UBR3: variants seen among roughly 807,000 people sequenced by gnomAD.
UBR3 encodes the protein ubiquitin protein ligase E3 component n-recognin 3.
A neutral mutation model predicts 243.2 loss-of-function variants in UBR3; 85 were observed. The ratio of observed to expected loss-of-function variants is 0.35; its 90% CI spans 0.29 to 0.42. The LOEUF (loss-of-function observed/expected upper bound fraction) is 0.42. Among genes scored for constraint, UBR3 ranks in the 10% least tolerant of loss-of-function variants. The pLI is 1.00. For synonymous variants in UBR3, 748 were observed against 799.8 expected (o/e 0.94, Z 1.09); for missense variants, 1,686 against 2,300.8 (o/e 0.73, Z 5.47).
Position 169,905,137 on chromosome 2 carries a change from G to A in UBR3, c.1489G>A (p.Val497Ile), listed in dbSNP as rs2084968289. Residue 497 changes from valine to isoleucine, a missense_variant, in exon 9 of 39, where the codon GTA becomes ATA. By Grantham distance (29) the Val-to-Ile change is conservative. Around this residue, in one of 8 missense-constraint regions of UBR3, gnomAD observed 346 missense variants for 585.8 expected, o/e 0.59. Transcript: ENST00000272793. ...AGATGAAGAAAATAGTTTACATGTGGTAGTGAACTGTGGAGAAGCATTACT... is the reference window on the plus strand; with the variant it reads ...AGATGAAGAAAATAGTTTACATGTGATAGTGAACTGTGGAGAAGCATTACT... ...LQDEENSLHV[V>I]VNCGEALLKN... 1 of 1,516,866 alleles carries A rather than the reference G, an allele frequency of 6.6e-7. No homozygotes were observed. Among genetic ancestry groups the A allele is most frequent in the African/African-American group, 1.4e-5 (1 of 71,830 alleles). 94.0% of individuals were successfully genotyped at this position (1,516,866 alleles called of 1,614,324 possible). A position where few individuals can be genotyped will look rare whatever the true frequency, so the allele number is the denominator to read the frequency against.
rs946199182 is a variant in UBR3 at position 170,003,037 on chromosome 2, C to CT, written c.4029+1629dup. ...CCTAACTCAGAAGCAGTAGATATCT[C>CT]TTTTTTCCTTCCTATTCCTCACCTC... On this transcript the variant is annotated intron_variant, in intron 27 of 38. Transcript: ENST00000272793. Among the ~76,000 whole-genome samples the CT allele has an allele frequency of 1.7e-4, 26 of 152,224 alleles. 1 individual carries two copies. In the Middle Eastern group the frequency reaches 0.01, roughly 60 times the overall value.
intron 6 of UBR3, among the ~76,000 whole-genome samples, chr2:169,891,881 G>A (rs1477805721): frequency 6.6e-6 from 1 of 152,152 alleles, no homozygotes; most frequent in Non-Finnish European, 1.5e-5. Flanking sequence ...TTACTTGACT[G>A]TCACTAAAAG....
At position 169,881,950 on chromosome 2, in the gene UBR3, G is replaced by GTAATTATATTATATATGTA. The variant is rs1559053813; in HGVS notation, c.1038+3378_1038+3379insATTATATTATATATGTATA. Among the ~76,000 whole-genome samples, 6 of 118,858 alleles carry GTAATTATATTATATATGTA rather than the reference G, an allele frequency of 5.0e-5. No homozygotes were observed. The Admixed American group carries it at 5.6e-4, about 11-fold the overall frequency. The allele number at this position is 118,858 out of a possible 152,430, so 78.0% of individuals were successfully genotyped here. Reference sequence around the variant, plus strand: ...GTATACATATAATATAATTACATATGTATGTATACATACATATGTAATTAT... The same window carrying GTAATTATATTATATATGTA: ...GTATACATATAATATAATTACATATGTAATTATATTATATATGTATATGTATACATACATATGTAATTAT... On this transcript the variant is annotated intron_variant, in intron 5 of 38. Transcript: ENST00000272793.
At chr2:169,972,063 G>A (rs374390442) in intron 24 of UBR3, among the ~76,000 whole-genome samples, 19 of 151,766 alleles carry the variant, frequency 1.3e-4, no homozygotes, top group African/African-American at 4.1e-4. Context: ...AATAGACGCA[G>A]TAAAAAATGA....
chr2:169,855,154 C>T (rs1482619040), intron 1 of UBR3, among the ~76,000 whole-genome samples: 1 of 152,004 alleles, frequency 6.6e-6, no homozygotes, highest in African/African-American at 2.4e-5. Context: ...GAGAAAATGT[C>T]TTCACGGGTA....
chr2:169,937,297 A>G (rs999267615), intron 19 of UBR3, among the ~76,000 whole-genome samples: 8 of 152,152 alleles, frequency 5.3e-5, no homozygotes, highest in Admixed American at 5.2e-4. Context: ...TGGCTGCATA[A>G]ATGTCTTCTT....
intron 33 of UBR3, among the ~76,000 whole-genome samples, chr2:170,057,010 A>G (rs1175469140): frequency 6.6e-6 from 1 of 152,036 alleles, no homozygotes; most frequent in Non-Finnish European, 1.5e-5. Context: ...CAATTCTGTT[A>G]TTCTAAATTC....
intron 25 of UBR3, among the ~76,000 whole-genome samples, chr2:169,989,356 C>G (rs1468540407): frequency 6.6e-6 from 1 of 151,940 alleles, no homozygotes; most frequent in African/African-American, 2.4e-5. Flanking sequence ...ATTAATAGAT[C>G]CACTCTCCCT....
intron 11 of UBR3, among the ~76,000 whole-genome samples, chr2:169,916,642 TCTC>T (rs2105340591): frequency 6.6e-6 from 1 of 152,198 alleles, no homozygotes; most frequent in East Asian, 1.9e-4. Flanking sequence ...ATGTGGATAA[TCTC>T]CTTACCCAGC....
intron 28 of UBR3, among the ~76,000 whole-genome samples, chr2:170,008,464 TAAATG>T (rs1400930329): frequency 6.6e-6 from 1 of 152,162 alleles, no homozygotes; most frequent in Non-Finnish European, 1.5e-5. Flanking sequence ...AAAATGAACT[TAAATG>T]AAAGTCAGGT....
intron 24 of UBR3, among the ~76,000 whole-genome samples, chr2:169,966,182 T>A (rs2087799426): frequency 6.6e-6 from 1 of 152,178 alleles, no homozygotes; most frequent in Non-Finnish European, 1.5e-5. Context: ...ACCACCTTTT[T>A]TAATTTTTAC....
At chr2:170,030,515 T>G (rs190150369) in intron 31 of UBR3, among the ~76,000 whole-genome samples, 117 of 152,246 alleles carry the variant, frequency 7.7e-4, no homozygotes, top group African/African-American at 2.6e-3. Context: ...TTTTGTTACT[T>G]GTATCTTTTT....
At chr2:169,891,611 G>GACACAC (rs202022960) in intron 6 of UBR3, among the ~76,000 whole-genome samples, 2,057 of 82,276 alleles carry the variant, frequency 0.025, 26 homozygotes, top group African/African-American at 0.056. Flanking sequence ...GAGAGAGACA[G>GACACAC]AGACACACAC....
intron 1 of UBR3, among the ~76,000 whole-genome samples, chr2:169,831,399 C>G (rs1202043796): frequency 1.3e-5 from 2 of 151,542 alleles, no homozygotes; most frequent in Non-Finnish European, 2.9e-5. Flanking sequence ...ATCCACCCGC[C>G]TCGGCCTCCC....
At chr2:169,998,361 C>T (rs62171991) in intron 26 of UBR3, among the ~76,000 whole-genome samples, 136 of 152,148 alleles carry the variant, frequency 8.9e-4, no homozygotes, top group Middle Eastern at 3.4e-3. Context: ...AAAAAGTCTC[C>T]GAGCTGAAAT....
chr2:169,972,873 C>G (rs985110038), intron 24 of UBR3, among the ~76,000 whole-genome samples: 2 of 151,250 alleles, frequency 1.3e-5, no homozygotes, highest in African/African-American at 4.9e-5. Flanking sequence ...GATGCCCTCT[C>G]TCACCACTTC....
At chr2:169,848,147 T>C (rs1399772189) in intron 1 of UBR3, among the ~76,000 whole-genome samples, 1 of 152,244 alleles carries the variant, frequency 6.6e-6, no homozygotes, top group Non-Finnish European at 1.5e-5. Context: ...TATCACAGAT[T>C]ATTGTCCTTC....
intron 26 of UBR3, among the ~76,000 whole-genome samples, chr2:169,997,530 T>C (rs2089539996): frequency 6.6e-6 from 1 of 151,848 alleles, no homozygotes; most frequent in South Asian, 2.1e-4. Context: ...CGTAGTCTAG[T>C]GAATGGAGGC....
At chr2:169,969,963 A>C (rs2088026426) in intron 24 of UBR3, among the ~76,000 whole-genome samples, 1 of 123,986 alleles carries the variant, frequency 8.1e-6, no homozygotes, top group Non-Finnish European at 1.6e-5. Flanking sequence ...TTTTTGGCTC[A>C]GGATTGCTTT....
Sources: gnomAD v4.1 joint callset for allele counts (sites outside exome capture counted in the v4.1 genomes callset) on GRCh38, gnomAD v4.1.1 for gene constraint, gnomAD v4.1.1 regional missense constraint, MANE v1.5 for transcripts, NCBI Gene and HGNC (gene_info 2026-07-23, HGNC 2026-07-21) for gene names.